CTNNBL1: variants seen among roughly 807,000 people sequenced by gnomAD.
CTNNBL1 encodes the protein beta-catenin-like protein 1.
A neutral mutation model predicts 72.7 loss-of-function variants in CTNNBL1; 31 were observed. The observed-to-expected ratio is 0.43, with a 90% confidence interval of 0.32 to 0.58. The LOEUF (loss-of-function observed/expected upper bound fraction) is 0.58, where lower values mean the gene tolerates loss of function less well. Ranked by LOEUF, CTNNBL1 falls within the 20% of genes least tolerant of loss-of-function variation. The probability of loss-of-function intolerance (pLI) is 0.08; values close to 1 mark genes in which losing one functional copy is unlikely to be tolerated. For synonymous variants in CTNNBL1, 240 were observed against 267.3 expected (o/e 0.90, Z 1.00); for missense variants, 534 against 725.1 (o/e 0.74, Z 3.03).
intron 11 of CTNNBL1, among the ~76,000 whole-genome samples, chr20:37,814,342 T>C (rs1258199029): frequency 6.6e-6 from 1 of 152,150 alleles, no homozygotes; most frequent in Non-Finnish European, 1.5e-5. Context: ...CATCTCTCAA[T>C]CCCAAACATT....
intron 1 of CTNNBL1, among the ~76,000 whole-genome samples, chr20:37,717,100 C>G (rs1238505346): frequency 6.6e-6 from 1 of 152,036 alleles, no homozygotes; most frequent in Non-Finnish European, 1.5e-5. Flanking sequence ...TCCAAAACAT[C>G]TTTTCTCTTT....
At chr20:37,825,976 C>A (rs893819994) in intron 11 of CTNNBL1, among the ~76,000 whole-genome samples, 1 of 152,138 alleles carries the variant, frequency 6.6e-6, no homozygotes, top group African/African-American at 2.4e-5. Context: ...CCACAGGAGG[C>A]GGCGGTGTAC....
chr20:37,767,599 A>G (rs939607089), intron 6 of CTNNBL1, among the ~76,000 whole-genome samples: 1 of 152,126 alleles, frequency 6.6e-6, no homozygotes, highest in Admixed American at 6.5e-5. Context: ...CTAGCTCCCA[A>G]TCTCTTTGGT....
intron 6 of CTNNBL1, among the ~76,000 whole-genome samples, chr20:37,766,071 G>A (rs1232615471): frequency 1.3e-5 from 2 of 151,476 alleles, no homozygotes; most frequent in Non-Finnish European, 2.9e-5. Flanking sequence ...TAGCTTCTTT[G>A]TGTACCACAG....
intron 5 of CTNNBL1, among the ~76,000 whole-genome samples, chr20:37,760,233 T>G (rs2073403885): frequency 6.6e-6 from 1 of 152,320 alleles, no homozygotes; most frequent in African/African-American, 2.4e-5. Flanking sequence ...CTGGCTTACC[T>G]CTCCAAAGAT....
intron 1 of CTNNBL1, among the ~76,000 whole-genome samples, chr20:37,718,182 G>A (rs1468455854): frequency 2.6e-5 from 4 of 151,314 alleles, no homozygotes; most frequent in South Asian, 2.1e-4. Context: ...CAGTAGGGGC[G>A]GCCGGGCAGA....
chr20:37,846,416 C>T (rs1333831650), intron 13 of CTNNBL1, among the ~76,000 whole-genome samples: 1 of 151,832 alleles, frequency 6.6e-6, no homozygotes, highest in Non-Finnish European at 1.5e-5. Context: ...AGTTGAACTG[C>T]CCTATCCTTA....
intron 11 of CTNNBL1, among the ~76,000 whole-genome samples, chr20:37,814,022 AC>A (rs2072033856): frequency 6.6e-6 from 1 of 152,052 alleles, no homozygotes; most frequent in African/African-American, 2.4e-5. Context: ...CCTCACAATA[AC>A]CCTGTGAGCT....
chr20:37,755,055 C>T (rs1005396407), intron 4 of CTNNBL1, among the ~76,000 whole-genome samples: 7 of 152,164 alleles, frequency 4.6e-5, no homozygotes, highest in African/African-American at 1.7e-4. Context: ...AATCCGCCCA[C>T]CTCGGCCTCC....
At chr20:37,790,235 T>C (rs1477150322) in intron 10 of CTNNBL1, among the ~76,000 whole-genome samples, 1 of 152,220 alleles carries the variant, frequency 6.6e-6, no homozygotes, top group Non-Finnish European at 1.5e-5. Flanking sequence ...TTTGGATTTT[T>C]ATTCCCTTGT....
chr20:37,859,306 G>A (rs1057035705), intron 13 of CTNNBL1, among the ~76,000 whole-genome samples: 2 of 151,242 alleles, frequency 1.3e-5, no homozygotes, highest in South Asian at 2.1e-4. Context: ...GCAGTGTGCC[G>A]AGATCGCGCC....
intron 10 of CTNNBL1, among the ~76,000 whole-genome samples, chr20:37,786,065 C>T (rs962717482): frequency 6.6e-6 from 1 of 152,190 alleles, no homozygotes; most frequent in South Asian, 2.1e-4. Context: ...GATTACTAGG[C>T]AGAAACTCTT....
At position 37,790,836 on chromosome 20, in the gene CTNNBL1, T is replaced by C. The variant is rs74352573; in HGVS notation, c.1031+11501T>C. ...GAATTTTGCAATATGTATAGACCCATCATACCCCCACTGCAAGCATGACAG... is the reference window on the plus strand; with the variant it reads ...GAATTTTGCAATATGTATAGACCCACCATACCCCCACTGCAAGCATGACAG... On this transcript the variant is annotated intron_variant, in intron 10 of 15. Transcript: ENST00000361383. 1.6e-3 allele frequency among the ~76,000 whole-genome samples: 243 copies of C among 152,318 alleles called. 1 individual carries two copies. The highest frequency in any genetic ancestry group is 5.4e-3 in the African/African-American group (226 of 41,568).
chr20:37,741,985 T>C (rs764064178), intron 3 of CTNNBL1, among the ~76,000 whole-genome samples: 3 of 152,132 alleles, frequency 2.0e-5, no homozygotes, highest in Non-Finnish European at 4.4e-5. Context: ...TAACTCTTGG[T>C]ATTTTTTTTT....
At chr20:37,792,071 T>G (rs1422115603) in intron 10 of CTNNBL1, among the ~76,000 whole-genome samples, 1 of 152,252 alleles carries the variant, frequency 6.6e-6, no homozygotes, top group African/African-American at 2.4e-5. Context: ...ATTTTGTCTG[T>G]TGTCAAACTT....
intron 6 of CTNNBL1, 37 bp downstream of exon 6, chr20:37,765,327 T>C (rs1330741114): frequency 9.6e-6 from 13 of 1,356,612 alleles, no homozygotes; most frequent in Non-Finnish European, 1.3e-5. Flanking sequence ...CTGAGTTGCT[T>C]TGTGTTTGTT....
chr20:37,860,303 T>C lies in CTNNBL1; in HGVS notation c.1562T>C (p.Met521Thr). Residue 521 changes from methionine (M) to threonine (T), a missense_variant, in exon 15 of 16, where the codon ATG becomes ACG. By Grantham distance (81) the Met-to-Thr change is moderately conservative. Coordinates refer to ENST00000361383, the MANE Select transcript of CTNNBL1 (RefSeq NM_030877.5). ...CAGAGGGTTCACCAGATCCTAAACA[T>C]GCGAGGAAGCTCCATCAAAATTGTC... is the stretch of plus-strand genomic sequence containing the variant. ...IRQRVHQILN[M>T]RGSSIKIVRH... is the part of the protein sequence containing the mutation. The C allele has an allele frequency of 6.2e-7, 1 of 1,614,180 alleles. No individual in the cohort carries two copies. Among genetic ancestry groups the C allele is most frequent in the Non-Finnish European group, 8.5e-7 (1 of 1,180,012 alleles).
intron 1 of CTNNBL1, 104 bp from the exon 2 acceptor site, chr20:37,732,775 T>G: frequency 9.9e-7 from 1 of 1,007,500 alleles, no homozygotes; most frequent in East Asian, 2.6e-5. Context: ...TCAAGAGATC[T>G]GCCTGCCTTG....
At chr20:37,715,408 G>A (rs771127958) in intron 1 of CTNNBL1, among the ~76,000 whole-genome samples, 30 of 152,244 alleles carry the variant, frequency 2.0e-4, no homozygotes, top group Non-Finnish European at 3.1e-4. Flanking sequence ...CTGGTACAGA[G>A]TAGGCACATA....
Sources: gnomAD v4.1 joint callset for allele counts (sites outside exome capture counted in the v4.1 genomes callset) on GRCh38, gnomAD v4.1.1 for gene constraint, MANE v1.5 for transcripts, NCBI Gene and HGNC (gene_info 2026-07-23, HGNC 2026-07-21) for gene names.